Variants in LPIN1 observed in about 807,000 individuals in gnomAD.
The protein encoded by LPIN1 is phosphatidate phosphatase LPIN1.
In LPIN1, 71 loss-of-function variants were observed where a neutral mutation model predicts 107.5. The ratio of observed to expected loss-of-function variants is 0.66; its 90% confidence interval spans 0.55 to 0.80. LPIN1 has a LOEUF of 0.80. LPIN1 is among the 30% of genes least tolerant of loss of function. The pLI is 0.00. For missense variants in LPIN1, 1,043 were observed against 1,160.6 expected, an observed-to-expected ratio of 0.90 and a Z score of 1.47; for synonymous variants, 445 against 452.6, an observed-to-expected ratio of 0.98 and a Z score of 0.21.
chr2:11,784,993 G>C lies in LPIN1; in HGVS notation c.1466G>C (p.Ser489Thr). 6.2e-7 allele frequency: 1 copy of C among 1,613,686 alleles called. No homozygotes were observed. The highest frequency in any genetic ancestry group is 8.5e-7 in the Non-Finnish European group (1 of 1,179,916). ...TCGGGCGTGGACAGTGGCGTGGAGA[G>C]CACCTCGGACGGGCTGAGGGACCTC... is the stretch of plus-strand genomic sequence containing the variant. ...GSSGVDSGVESTSDGLRDLPS... is the reference protein window; with the variant it reads ...GSSGVDSGVETTSDGLRDLPS... The change falls in exon 10 of 21, where the codon AGC (serine) becomes ACC (threonine). Residue 489 changes from serine (S) to threonine (T), a missense_variant. Transcript: ENST00000674199.
intron 7 of LPIN1, 28 bp from the exon 8 acceptor site, chr2:11,782,173 C>T: frequency 8.2e-6 from 13 of 1,576,794 alleles, no homozygotes; most frequent in Non-Finnish European, 7.0e-6. Context: ...TTGTCTCTCT[C>T]TCTGTCCCTC....
chr2:11,785,765 T>G (rs11694797), intron 10 of LPIN1, among the ~76,000 whole-genome samples: 21,760 of 152,100 alleles, frequency 0.14, 1,610 homozygotes, highest in Middle Eastern at 0.17. Flanking sequence ...CCATCTCCCC[T>G]TCCAACCAGG....
At chr2:11,794,616 AT>A (rs1316996584) in intron 13 of LPIN1, among the ~76,000 whole-genome samples, 1 of 150,728 alleles carries the variant, frequency 6.6e-6, no homozygotes, top group Non-Finnish European at 1.5e-5. Context: ...AGGACCGTAG[AT>A]TTCCTCTCCT....
upstream of LPIN1, chr2:11,724,315 C>A: frequency 1.0e-6 from 1 of 985,390 alleles, no homozygotes; most frequent in Non-Finnish European, 1.2e-6. Flanking sequence ...CAACAATGGC[C>A]TTTCCCAGGA....
chr2:11,746,698 C>G (rs1005575623), intron 1 of LPIN1, 27 bp downstream of exon 1: 485 of 980,306 alleles, frequency 4.9e-4, no homozygotes, highest in Non-Finnish European at 5.5e-4. Flanking sequence ...TCCAGCCTCC[C>G]GCTGTGGAGC....
chr2:11,721,702 T>G (rs983920592), upstream of LPIN1: 2 of 152,258 alleles, frequency 1.3e-5, no homozygotes, highest in African/African-American at 4.8e-5. Flanking sequence ...GGACAGAGCC[T>G]GATGTCTGGC....
chr2:11,752,318 C>A (rs577509540), intron 1 of LPIN1, among the ~76,000 whole-genome samples: 4 of 151,906 alleles, frequency 2.6e-5, no homozygotes, highest in Non-Finnish European at 5.9e-5. Flanking sequence ...AGGCCTCTTT[C>A]GATTCCTGTA....
At chr2:11,733,198 C>A (rs1399807998) in intron 1 of LPIN1, among the ~76,000 whole-genome samples, 2 of 152,146 alleles carry the variant, frequency 1.3e-5, no homozygotes, top group Admixed American at 6.5e-5. Flanking sequence ...CTTCCCCCTG[C>A]AGCTGATCCA....
chr2:11,802,933 A>G lies in LPIN1; in HGVS notation c.1913A>G (p.Asp638Gly). 6.2e-7 allele frequency: 1 copy of G among 1,613,468 alleles called. No homozygotes were observed. The highest frequency in any genetic ancestry group is 8.5e-7 in the Non-Finnish European group (1 of 1,180,026). The change falls in exon 15 of 21, where the codon GAT becomes GGT. Residue 638 changes from aspartate to glycine, a missense_variant. Physicochemically the swap from Asp to Gly is moderately conservative, Grantham distance 94. Transcript: ENST00000674199. ...GTAAAGCATGAATCATCCTCCAGTG[A>G]TGAGGAGCGCGCAGCTGCCAAGCCA... ...TRVKHESSSS[D>G]EERAAAKPSN...
intron 17 of LPIN1, among the ~76,000 whole-genome samples, chr2:11,805,685 G>A (rs1678550770): frequency 6.6e-6 from 1 of 152,194 alleles, no homozygotes; most frequent in South Asian, 2.1e-4. Flanking sequence ...GACATCAGAT[G>A]GGAGAGGGGT....
chr2:11,709,798 T>G (rs930222998), intron 1 of LPIN1, among the ~76,000 whole-genome samples: 5 of 152,242 alleles, frequency 3.3e-5, no homozygotes, highest in African/African-American at 1.2e-4. Context: ...TTCTCTCTTT[T>G]CCTTCTGTGT....
At chr2:11,693,788 GTATATATATATATATATATA>G (rs869167624) in intron 1 of LPIN1, among the ~76,000 whole-genome samples, 5 of 40,982 alleles carry the variant, frequency 1.2e-4, no homozygotes, top group East Asian at 1.4e-3. Flanking sequence ...GTGTGAGTGT[GTATATATATATATATATATA>G]TATATATATA....
intron 1 of LPIN1, among the ~76,000 whole-genome samples, chr2:11,727,046 G>T (rs1393857315): frequency 6.6e-6 from 1 of 152,248 alleles, no homozygotes; most frequent in Non-Finnish European, 1.5e-5. Flanking sequence ...GATTAAAGGG[G>T]TGTCTCCCAG....
At chr2:11,818,944 A>G (rs1681055586) in intron 18 of LPIN1, 1 of 152,372 alleles carries the variant, frequency 6.6e-6, no homozygotes, top group Non-Finnish European at 1.5e-5. Flanking sequence ...TTTCTCTTTT[A>G]ACCTGATAAT....
chr2:11,802,212 C>A (rs1217363311), intron 14 of LPIN1, among the ~76,000 whole-genome samples: 1 of 152,162 alleles, frequency 6.6e-6, no homozygotes, highest in Non-Finnish European at 1.5e-5. Flanking sequence ...GAGTGAATAG[C>A]TAATTACAGA....
intron 1 of LPIN1, among the ~76,000 whole-genome samples, chr2:11,752,737 G>C (rs959998412): frequency 6.6e-6 from 1 of 151,950 alleles, no homozygotes; most frequent in African/African-American, 2.4e-5. Flanking sequence ...GGCCTCCAAG[G>C]CCATTTTAAA....
chr2:11,804,548 T>C lies in LPIN1; in HGVS notation c.2139T>C (p.Ser713=). Residue 713 remains serine (S), a synonymous_variant, in exon 16 of 21, where the codon TCT becomes TCC. Transcript: ENST00000674199. ...LWNWDDKVII[S]DIDGTITRSD... is the part of the protein sequence containing the mutation. Reference sequence around the variant, plus strand: ...ACTGGGATGATAAAGTCATCATTTCTGATATTGATGGGACAATTACCAGGT... The same window carrying C: ...ACTGGGATGATAAAGTCATCATTTCCGATATTGATGGGACAATTACCAGGT... 6.2e-7 allele frequency: 1 copy of C among 1,614,220 alleles called. No individual in the cohort carries two copies. Among genetic ancestry groups the C allele is most frequent in the Non-Finnish European group, 8.5e-7 (1 of 1,180,040 alleles).
Position 11,792,349 on chromosome 2 carries a change from G to A in LPIN1, c.1806+343G>A, listed in dbSNP as rs1404075972. 10 of 237,574 alleles carry A rather than the reference G, an allele frequency of 4.2e-5. No individual in the cohort carries two copies. In the East Asian group the frequency reaches 9.2e-4, roughly 22 times the overall value. 14.7% of individuals were successfully genotyped at this position (237,574 alleles called of 1,614,324 possible). A position where few individuals can be genotyped will look rare whatever the true frequency, so the allele number is the denominator to read the frequency against. ...ATTAAATATCTTCCTTCTGCTTGTG[G>A]AGACAATTTTTCTTTTTCTTTTTCT... is the stretch of plus-strand genomic sequence containing the variant. On this transcript the variant is annotated intron_variant, in intron 13 of 20. Coordinates refer to ENST00000674199, the MANE Select transcript of LPIN1 (RefSeq NM_001349206.2).
chr2:11,812,814 T>C lies in LPIN1; in HGVS notation c.2250-2274T>C, dbSNP rs115749568. Reference sequence around the variant, plus strand: ...CTTTACATTTTCTTAGAGCACCACGTGGAGTCGGGATAGCAGCAGGGAGGT... The same window carrying C: ...CTTTACATTTTCTTAGAGCACCACGCGGAGTCGGGATAGCAGCAGGGAGGT... On this transcript the variant is annotated intron_variant, in intron 17 of 20. Coordinates refer to ENST00000674199, the MANE Select transcript of LPIN1 (RefSeq NM_001349206.2). Among the ~76,000 whole-genome samples the C allele has an allele frequency of 3.2e-3, 482 of 152,164 alleles. 1 individual carries two copies. The highest frequency in any genetic ancestry group is 5.0e-3 in the Non-Finnish European group (342 of 68,004).
Sources: gnomAD v4.1 joint callset for allele counts (sites outside exome capture counted in the v4.1 genomes callset) on GRCh38, gnomAD v4.1.1 for gene constraint, MANE v1.5 for transcripts, NCBI Gene and HGNC (gene_info 2026-07-23, HGNC 2026-07-21) for gene names.